The following COL21A1 variants were observed in gnomAD, a reference collection of about 807,000 sequenced individuals.
COL21A1 encodes collagen alpha-1(XXI) chain.
In COL21A1, 149 loss-of-function variants were observed where a neutral mutation model predicts 137.9. The ratio of observed to expected loss-of-function variants is 1.08; its 90% CI spans 0.95 to 1.24. COL21A1 has a LOEUF of 1.24. Ranked by LOEUF, COL21A1 falls within the 50% of genes most tolerant of loss-of-function variation. The pLI is 0.00. For missense variants in COL21A1, 1,167 were observed against 1,158.4 expected (o/e 1.01, Z -0.11); for synonymous variants, 456 against 391.5 (o/e 1.16, Z -1.95).
intron 3 of COL21A1, among the ~76,000 whole-genome samples, chr6:56,177,200 G>A (rs547154904): frequency 1.3e-5 from 2 of 152,070 alleles, no homozygotes; most frequent in Non-Finnish European, 2.9e-5. Flanking sequence ...AGAAAGGAGA[G>A]TATTAGAGAC....
At position 56,266,899 on chromosome 6, in the gene COL21A1, C is replaced by T. The variant is rs114561652; in HGVS notation, c.-38-84243G>A. Among the ~76,000 whole-genome samples, 938 of 152,232 alleles carry T rather than the reference C, an allele frequency of 6.2e-3. 13 individuals are homozygous for T. Among genetic ancestry groups the T allele is most frequent in the African/African-American group, 0.021 (872 of 41,542 alleles). Reference sequence around the variant, plus strand: ...TTTGTGCAGTTAACTATTAATAGCTCATATTGACTCAGTCACATCTATATA... The same window carrying T: ...TTTGTGCAGTTAACTATTAATAGCTTATATTGACTCAGTCACATCTATATA... On this transcript the variant is annotated intron_variant, in intron 1 of 28. Coordinates refer to the COL21A1 transcript ENST00000370819.
intron 1 of COL21A1, among the ~76,000 whole-genome samples, chr6:56,337,813 T>C (rs1765363844): frequency 1.3e-5 from 2 of 152,214 alleles, no homozygotes; most frequent in Non-Finnish European, 1.5e-5. Flanking sequence ...TTTGGGATTA[T>C]TTGCAGATAT....
chr6:56,247,964 G>C (rs1320420414), upstream of COL21A1, among the ~76,000 whole-genome samples: 2 of 152,220 alleles, frequency 1.3e-5, no homozygotes, highest in Non-Finnish European at 2.9e-5. Flanking sequence ...GGGCGCCAAG[G>C]TACGTTGCAG....
intron 16 of COL21A1, among the ~76,000 whole-genome samples, chr6:56,123,298 AG>A (rs547674456): frequency 3.9e-5 from 6 of 152,368 alleles, no homozygotes; most frequent in Non-Finnish European, 8.8e-5. Flanking sequence ...CTACTGTCTT[AG>A]GAAGTGTTGC....
intron 10 of COL21A1, among the ~76,000 whole-genome samples, chr6:56,145,850 A>T (rs1009055618): frequency 1.3e-4 from 20 of 150,554 alleles, no homozygotes; most frequent in Non-Finnish European, 1.6e-4. Context: ...TTCTTTATAA[A>T]TGAGTCATTT....
intron 13 of COL21A1, 138 bp from the exon 14 acceptor site, chr6:56,125,758 C>A: frequency 1.7e-6 from 1 of 585,970 alleles, no homozygotes. Flanking sequence ...TTAAAGTTTG[C>A]TTTAAAAGGC....
At position 56,353,894 on chromosome 6, in the gene COL21A1, G is replaced by A. The variant is rs568461757; in HGVS notation, c.-39+40077C>T. ...AAAAATTAAAACATGAGAAATACAA[G>A]AGAACATAATTTTTAAATTTAAATA... On this transcript the variant is annotated intron_variant, in intron 1 of 28. Transcript: ENST00000370819. Among the ~76,000 whole-genome samples, 4 of 152,146 alleles carry A rather than the reference G, an allele frequency of 2.6e-5. No individual in the cohort carries two copies. In the South Asian group the frequency reaches 6.2e-4, roughly 24 times the overall value.
intron 24 of COL21A1, 30 bp downstream of exon 24, chr6:56,064,548 A>AT (rs1562139102): frequency 6.7e-7 from 1 of 1,489,060 alleles, no homozygotes. Context: ...TTGTTATTTC[A>AT]TTTTTTATCA....
chr6:56,203,669 T>G (rs1779553048), intron 1 of COL21A1, among the ~76,000 whole-genome samples: 1 of 152,214 alleles, frequency 6.6e-6, no homozygotes, highest in Non-Finnish European at 1.5e-5. Flanking sequence ...TTATTTAATT[T>G]CCAGGCAAGA....
intron 1 of COL21A1, among the ~76,000 whole-genome samples, chr6:56,356,513 G>T (rs1010644461): frequency 1.3e-5 from 2 of 152,122 alleles, no homozygotes; most frequent in Non-Finnish European, 2.9e-5. Context: ...CATGAAATGT[G>T]GCCAACATAA....
At chr6:56,079,389 A>G (rs1767544861) in intron 17 of COL21A1, among the ~76,000 whole-genome samples, 1 of 151,682 alleles carries the variant, frequency 6.6e-6, no homozygotes, top group Non-Finnish European at 1.5e-5. Flanking sequence ...ATCACTATTC[A>G]AGTCCCTGTG....
intron 9 of COL21A1, among the ~76,000 whole-genome samples, chr6:56,161,256 A>G (rs1300351055): frequency 6.6e-6 from 1 of 152,240 alleles, no homozygotes; most frequent in East Asian, 1.9e-4. Context: ...AACCTAAAAA[A>G]GACAAAAATG....
chr6:56,259,417 G>A (rs572152200), intron 1 of COL21A1, among the ~76,000 whole-genome samples: 14 of 152,218 alleles, frequency 9.2e-5, no homozygotes, highest in Non-Finnish European at 1.8e-4. Flanking sequence ...ATTGCTGAGC[G>A]CTCACTCACT....
upstream of COL21A1, among the ~76,000 whole-genome samples, chr6:56,249,179 C>G (rs1388912535): frequency 6.6e-6 from 1 of 152,178 alleles, no homozygotes; most frequent in Admixed American, 6.5e-5. Flanking sequence ...AGCAGATACA[C>G]TTTATACCAC....
rs369126858 is a variant in COL21A1, at chr6:56,057,682, G to A, written c.2849C>T (p.Pro950Leu). 10 of 1,613,128 alleles carry A rather than the reference G, an allele frequency of 6.2e-6. No homozygotes were observed. In the Admixed American group the frequency reaches 8.3e-5, roughly 13 times the overall value. The change falls in exon 30 of 30, where the codon CCG becomes CTG. Residue 950 changes from proline (P) to leucine (L), a missense_variant. Physicochemically the swap from Pro to Leu is moderately conservative, Grantham distance 98. Transcript: ENST00000244728. ...LCFSVIARRD[P>L]FRKGPNY ...CTAATAGTTTGGTCCTTTTCTGAACGGATCTCTTCTGGCAATTACACTAAA... is the reference window on the plus strand; with the variant it reads ...CTAATAGTTTGGTCCTTTTCTGAACAGATCTCTTCTGGCAATTACACTAAA...
At chr6:56,105,117 G>A (rs896697745) in intron 16 of COL21A1, among the ~76,000 whole-genome samples, 2 of 152,162 alleles carry the variant, frequency 1.3e-5, no homozygotes, top group African/African-American at 4.8e-5. Flanking sequence ...TAAACAGACA[G>A]GACATTTGGA....
In COL21A1 at chr6:56,238,886, G is replaced by A. The variant is rs141805692; in HGVS notation, c.-39+8501C>T. ...GATAATAACTAATTTGAACTAATCT[G>A]AATACTTTGTATCTGCCAGCCCTTA... On this transcript the variant is annotated intron_variant, in intron 1 of 29. Coordinates refer to ENST00000244728, the MANE Select transcript of COL21A1 (RefSeq NM_030820.4). Among the ~76,000 whole-genome samples the A allele has an allele frequency of 1.3e-3, 199 of 152,318 alleles. 1 individual carries two copies. Among genetic ancestry groups the A allele is most frequent in the South Asian group, 0.013 (61 of 4,826 alleles).
rs192582766 is a variant in COL21A1, at chr6:56,367,649, C to T, written c.-39+26322G>A. On this transcript the variant is annotated intron_variant, in intron 1 of 28. Coordinates refer to the COL21A1 transcript ENST00000370819. ...TCTCTGGAACATTAACCTCTGAATT[C>T]CTTGTTATGTAAGTTAGTAAATATC... 1.7e-3 allele frequency among the ~76,000 whole-genome samples: 259 copies of T among 152,270 alleles called. 1 individual carries two copies. The Middle Eastern group carries it at 0.024, about 14-fold the overall frequency.
At chr6:56,291,936 G>T (rs1402444214) in intron 1 of COL21A1, among the ~76,000 whole-genome samples, 1 of 152,172 alleles carries the variant, frequency 6.6e-6, no homozygotes, top group African/African-American at 2.4e-5. Flanking sequence ...GGGAGGCCAA[G>T]GTGGGCAGAT....
Sources: allele counts gnomAD v4.1 joint callset (sites outside exome capture counted in the v4.1 genomes callset), GRCh38; gene constraint gnomAD v4.1.1; transcripts MANE v1.5; gene names NCBI Gene and HGNC (gene_info 2026-07-23, HGNC 2026-07-21).